The following ADIPOR2 variants were observed in gnomAD, a reference collection of about 807,000 sequenced individuals.
The protein encoded by ADIPOR2 is adiponectin receptor protein 2.
In ADIPOR2, 18 loss-of-function variants were observed where a neutral mutation model predicts 40.9. The observed-to-expected ratio is 0.44, with a 90% CI of 0.30 to 0.65. The LOEUF is 0.65. Among genes scored for constraint, ADIPOR2 ranks in the 30% least tolerant of loss-of-function variants. The probability of loss-of-function intolerance (pLI) is 0.09; values close to 1 mark genes in which losing one functional copy is unlikely to be tolerated. For missense variants in ADIPOR2, 283 were observed against 479.2 expected, an observed-to-expected ratio of 0.59 and a Z score of 3.82; for synonymous variants, 165 against 166.4, an observed-to-expected ratio of 0.99 and a Z score of 0.06.
rs918051665 is a variant in ADIPOR2 at position 1,786,984 on chromosome 12, G to A, written c.*912G>A. The A allele has an allele frequency of 6.6e-6, 1 of 152,236 alleles. No individual in the cohort carries two copies. The highest frequency in any genetic ancestry group is 1.5e-5 in the Non-Finnish European group (1 of 68,058). 9.4% of individuals were successfully genotyped at this position (152,236 alleles called of 1,614,324 possible). ...AAGGGGTGCTGGAGGCCATGGAGGA[G>A]CTCTAGAAACATTAGCATGGGCTGA... On this transcript the variant is annotated 3_prime_UTR_variant, in exon 8 of 8. Coordinates refer to ENST00000357103, the MANE Select transcript of ADIPOR2 (RefSeq NM_024551.3).
At chr12:1,757,629 GC>G in intron 2 of ADIPOR2, 1 of 1,296,764 alleles carries the variant, frequency 7.7e-7, no homozygotes, top group Non-Finnish European at 1.1e-6. Flanking sequence ...TTCCTTTTGT[GC>G]CCCCAGAGAT....
At chr12:1,704,556 G>C (rs1357683283) in intron 1 of ADIPOR2, among the ~76,000 whole-genome samples, 1 of 152,206 alleles carries the variant, frequency 6.6e-6, no homozygotes, top group Non-Finnish European at 1.5e-5. Context: ...TTGATTGATT[G>C]ATATCTTGTT....
At chr12:1,752,599 G>C (rs1167524814) in intron 1 of ADIPOR2, among the ~76,000 whole-genome samples, 1 of 152,074 alleles carries the variant, frequency 6.6e-6, no homozygotes, top group Non-Finnish European at 1.5e-5. Context: ...CAGAAACTGG[G>C]TATAACACAG....
At chr12:1,766,752 C>T (rs1258244073) in intron 2 of ADIPOR2, among the ~76,000 whole-genome samples, 1 of 152,156 alleles carries the variant, frequency 6.6e-6, no homozygotes, top group Non-Finnish European at 1.5e-5. Context: ...AGAGATCAGC[C>T]TTTATGGTTG....
At chr12:1,777,723 A>T (rs1217998660) in intron 3 of ADIPOR2, 131 bp from the exon 4 acceptor site, 1 of 821,876 alleles carries the variant, frequency 1.2e-6, no homozygotes, top group East Asian at 2.8e-5. Flanking sequence ...ACATTTTGAG[A>T]TGTTTGCCTT....
chr12:1,704,015 GT>G (rs772767475), intron 1 of ADIPOR2, among the ~76,000 whole-genome samples: 127 of 54,522 alleles, frequency 2.3e-3, no homozygotes, highest in Middle Eastern at 0.014. Flanking sequence ...GCCCCCACCA[GT>G]TTTTTTTTTT....
intron 1 of ADIPOR2, among the ~76,000 whole-genome samples, chr12:1,744,408 T>A (rs566997699): frequency 8.1e-4 from 123 of 151,958 alleles, no homozygotes; most frequent in African/African-American, 2.9e-3. Flanking sequence ...CCAGCTTTTT[T>A]TGTTGTTGTT....
intron 1 of ADIPOR2, among the ~76,000 whole-genome samples, chr12:1,714,215 C>T (rs576516558): frequency 6.6e-6 from 1 of 152,226 alleles, no homozygotes; most frequent in South Asian, 2.1e-4. Flanking sequence ...CATTTTCTGT[C>T]CTCTCTGAAC....
chr12:1,704,896 T>C (rs974419147), intron 1 of ADIPOR2, among the ~76,000 whole-genome samples: 3 of 152,196 alleles, frequency 2.0e-5, no homozygotes, highest in African/African-American at 7.2e-5. Flanking sequence ...TTTAGTAGAA[T>C]TGAGCAATAT....
intron 6 of ADIPOR2, among the ~76,000 whole-genome samples, chr12:1,782,052 C>G (rs565826418): frequency 6.6e-6 from 1 of 152,316 alleles, no homozygotes; most frequent in South Asian, 2.1e-4. Flanking sequence ...AATTCCTGAG[C>G]CTTTGACTTA....
At chr12:1,705,683 A>T (rs1274365420) in intron 1 of ADIPOR2, among the ~76,000 whole-genome samples, 1 of 152,368 alleles carries the variant, frequency 6.6e-6, no homozygotes, top group East Asian at 1.9e-4. Flanking sequence ...AACAATAGTC[A>T]TTATTATAGA....
At chr12:1,750,152 G>A (rs1484177414) in intron 1 of ADIPOR2, among the ~76,000 whole-genome samples, 1 of 151,856 alleles carries the variant, frequency 6.6e-6, no homozygotes, top group Non-Finnish European at 1.5e-5. Flanking sequence ...AGCATATAGG[G>A]CCTATACGTA....
At chr12:1,695,157 A>G (rs891195434) in intron 1 of ADIPOR2, among the ~76,000 whole-genome samples, 2 of 151,980 alleles carry the variant, frequency 1.3e-5, no homozygotes, top group African/African-American at 4.8e-5. Flanking sequence ...TTAGGGTTAC[A>G]GACATGAGCC....
In ADIPOR2 at chr12:1,757,744, C is replaced by T. The variant is rs538583151; in HGVS notation, c.171+3230C>T. The T allele has an allele frequency of 1.7e-5, 21 of 1,241,456 alleles. No homozygotes were observed. The African/African-American group carries it at 2.8e-4, about 16-fold the overall frequency. The allele number at this position is 1,241,456 out of a possible 1,614,324, so 76.9% of individuals were successfully genotyped here. Reference sequence around the variant, plus strand: ...GAAATTCTCCCCCGTCTTGTCAATGCTGATGACATCCATGAATCCAGCAGG... The same window carrying T: ...GAAATTCTCCCCCGTCTTGTCAATGTTGATGACATCCATGAATCCAGCAGG... On this transcript the variant is annotated intron_variant, in intron 2 of 7. Transcript: ENST00000357103.
intron 1 of ADIPOR2, among the ~76,000 whole-genome samples, chr12:1,751,570 C>T (rs956817871): frequency 6.6e-6 from 1 of 151,920 alleles, no homozygotes; most frequent in African/African-American, 2.4e-5. Flanking sequence ...TGTAGTAATG[C>T]CATCAGAGCT....
chr12:1,745,999 T>C (rs534264312), intron 1 of ADIPOR2, among the ~76,000 whole-genome samples: 1 of 152,288 alleles, frequency 6.6e-6, no homozygotes, highest in East Asian at 1.9e-4. Flanking sequence ...AAAATAAGTC[T>C]TCTTCCTATG....
intron 2 of ADIPOR2, chr12:1,757,607 C>A: frequency 8.1e-7 from 1 of 1,239,054 alleles, no homozygotes; most frequent in Non-Finnish European, 1.2e-6. Context: ...TCATGAGTCA[C>A]CAGATGAGGG....
chr12:1,707,733 A>G (rs1592575602), intron 1 of ADIPOR2, among the ~76,000 whole-genome samples: 1 of 152,152 alleles, frequency 6.6e-6, no homozygotes. Flanking sequence ...TCAGTCTCCC[A>G]AAGTGCTGGG....
chr12:1,748,483 T>C (rs868499831), intron 1 of ADIPOR2, among the ~76,000 whole-genome samples: 75 of 152,076 alleles, frequency 4.9e-4, no homozygotes, highest in Admixed American at 4.6e-4. Flanking sequence ...CTCCTGACCT[T>C]GTGATCTGCC....
Sources: gnomAD v4.1 joint callset for allele counts (sites outside exome capture counted in the v4.1 genomes callset) on GRCh38, gnomAD v4.1.1 for gene constraint, MANE v1.5 for transcripts, NCBI Gene and HGNC (gene_info 2026-07-23, HGNC 2026-07-21) for gene names.